The following DENND1A variants were observed in gnomAD, a reference collection of about 807,000 sequenced individuals.
The protein encoded by DENND1A is DENN domain-containing protein 1A.
DENND1A carries 51 observed loss-of-function variants against 113.7 expected under a neutral mutation model. The ratio of observed to expected loss-of-function variants is 0.45; its 90% CI spans 0.36 to 0.57. The LOEUF (loss-of-function observed/expected upper bound fraction) is 0.57. DENND1A is among the 20% of genes least tolerant of loss of function. The pLI is 0.00. For synonymous variants in DENND1A, 565 were observed against 570.8 expected (o/e 0.99, Z 0.14); for missense variants, 1,258 against 1,395.9 (o/e 0.90, Z 1.57).
At chr9:123,452,555 T>C (rs774674508) in intron 16 of DENND1A, among the ~76,000 whole-genome samples, 4 of 149,966 alleles carry the variant, frequency 2.7e-5, no homozygotes, top group Non-Finnish European at 4.4e-5. Flanking sequence ...TGGGTGTGTA[T>C]GGACTGGGGA....
intron 11 of DENND1A, among the ~76,000 whole-genome samples, chr9:123,608,103 C>T (rs575068857): frequency 2.0e-5 from 3 of 152,184 alleles, no homozygotes; most frequent in African/African-American, 7.2e-5. Context: ...CCCAGATAGT[C>T]CATAAACTGT....
At chr9:123,829,939 T>C (rs1839936986) in intron 2 of DENND1A, among the ~76,000 whole-genome samples, 2 of 152,186 alleles carry the variant, frequency 1.3e-5, no homozygotes. Context: ...AACATTGATG[T>C]GAAAATTCTA....
At chr9:123,613,875 C>A (rs2060523698) in intron 10 of DENND1A, among the ~76,000 whole-genome samples, 2 of 152,198 alleles carry the variant, frequency 1.3e-5, no homozygotes, top group Admixed American at 6.5e-5. Context: ...GGAATTACTG[C>A]ACTATCTGAT....
chr9:123,614,304 C>T (rs1251292745), intron 10 of DENND1A, among the ~76,000 whole-genome samples: 3 of 152,146 alleles, frequency 2.0e-5, no homozygotes, highest in African/African-American at 7.2e-5. Flanking sequence ...CGCTGGGGTA[C>T]CAAAAGGGCT....
chr9:123,723,569 T>C (rs1216490078), intron 5 of DENND1A, among the ~76,000 whole-genome samples: 4 of 152,094 alleles, frequency 2.6e-5, no homozygotes, highest in Admixed American at 2.0e-4. Context: ...ATGGGGGTGG[T>C]CTTTCCCATG....
At chr9:123,668,743 T>G (rs1478880149) in intron 7 of DENND1A, among the ~76,000 whole-genome samples, 1 of 152,264 alleles carries the variant, frequency 6.6e-6, no homozygotes, top group African/African-American at 2.4e-5. Flanking sequence ...CCTTCTTCGA[T>G]GCATTATTCC....
intron 13 of DENND1A, among the ~76,000 whole-genome samples, chr9:123,543,826 C>T (rs1164846137): frequency 6.6e-6 from 1 of 152,186 alleles, no homozygotes; most frequent in Non-Finnish European, 1.5e-5. Context: ...ATAGCAGTTC[C>T]CACCCCTTAC....
At chr9:123,748,963 A>G (rs1380926150) in intron 5 of DENND1A, among the ~76,000 whole-genome samples, 4 of 152,216 alleles carry the variant, frequency 2.6e-5, no homozygotes, top group Non-Finnish European at 5.9e-5. Context: ...TGTTCACTCT[A>G]TAATCACATA....
chr9:123,460,173 A>C (rs1226594691), intron 13 of DENND1A, among the ~76,000 whole-genome samples: 1 of 152,176 alleles, frequency 6.6e-6, no homozygotes, highest in Non-Finnish European at 1.5e-5. Context: ...CGAGAAAAAA[A>C]CCCCACACTA....
intron 13 of DENND1A, among the ~76,000 whole-genome samples, chr9:123,525,956 A>G (rs2054806507): frequency 6.6e-6 from 1 of 151,970 alleles, no homozygotes. Context: ...GACAGGGTCT[A>G]TGTCACCCAG....
At chr9:123,413,650 T>G in intron 19 of DENND1A, 1 of 985,474 alleles carries the variant, frequency 1.0e-6, no homozygotes, top group Non-Finnish European at 1.2e-6. Flanking sequence ...TGGGATAGAA[T>G]GACACCGTGG....
chr9:123,591,897 T>C (rs2059475377), intron 11 of DENND1A, among the ~76,000 whole-genome samples: 1 of 152,206 alleles, frequency 6.6e-6, no homozygotes, highest in Non-Finnish European at 1.5e-5. Context: ...GTAGAATTAA[T>C]TCACAGTGGA....
chr9:123,722,720 G>C (rs1172456239), intron 5 of DENND1A, among the ~76,000 whole-genome samples: 2 of 152,238 alleles, frequency 1.3e-5, no homozygotes, highest in Non-Finnish European at 2.9e-5. Context: ...GTGCAGAGAA[G>C]TCAAGAATTG....
At chr9:123,519,843 C>G (rs781384705) in intron 13 of DENND1A, among the ~76,000 whole-genome samples, 4 of 152,086 alleles carry the variant, frequency 2.6e-5, no homozygotes, top group Non-Finnish European at 5.9e-5. Flanking sequence ...AGGAGAGCAT[C>G]TGGGAAAGCC....
chr9:123,580,116 C>T (rs2058819640), intron 12 of DENND1A, among the ~76,000 whole-genome samples: 1 of 152,208 alleles, frequency 6.6e-6, no homozygotes, highest in Non-Finnish European at 1.5e-5. Flanking sequence ...AGCACTGTGC[C>T]AAGCATTTGA....
intron 2 of DENND1A, among the ~76,000 whole-genome samples, chr9:123,851,317 ATAAT>A (rs1489554577): frequency 7.9e-5 from 12 of 152,192 alleles, no homozygotes; most frequent in African/African-American, 2.9e-4. Flanking sequence ...TTCACTCAAG[ATAAT>A]TATGTTGAGA....
intron 13 of DENND1A, among the ~76,000 whole-genome samples, chr9:123,500,490 C>T (rs917247393): frequency 6.6e-6 from 1 of 152,216 alleles, no homozygotes; most frequent in African/African-American, 2.4e-5. Flanking sequence ...CCCCCCTTCA[C>T]TGTCTGGTCT....
At chr9:123,866,393 T>C (rs1845800505) in intron 2 of DENND1A, among the ~76,000 whole-genome samples, 1 of 152,218 alleles carries the variant, frequency 6.6e-6, no homozygotes, top group African/African-American at 2.4e-5. Context: ...GTGCCCAAAG[T>C]GTGTTTTTCT....
At chr9:123,774,231 C>T (rs948093014) in intron 3 of DENND1A, among the ~76,000 whole-genome samples, 4 of 152,062 alleles carry the variant, frequency 2.6e-5, no homozygotes, top group Non-Finnish European at 5.9e-5. Context: ...GAAAGAAAAG[C>T]CTGATTGACG....
Sources: gnomAD v4.1 joint callset for allele counts (sites outside exome capture counted in the v4.1 genomes callset) on GRCh38, gnomAD v4.1.1 for gene constraint, MANE v1.5 for transcripts, NCBI Gene and HGNC (gene_info 2026-07-23, HGNC 2026-07-21) for gene names.